Variants in PSCA observed in about 807,000 individuals in gnomAD.
PSCA encodes the protein prostate stem cell antigen.
PSCA carries 7 observed loss-of-function variants against 7.9 expected under a neutral mutation model. The observed-to-expected ratio is 0.89, with a 90% CI of 0.51 to 1.67. The LOEUF is 1.67. PSCA is among the 40% of genes most tolerant of loss of function. The pLI is 0.00. For synonymous variants in PSCA, 61 were observed against 68.3 expected (o/e 0.89, Z 0.53); for missense variants, 151 against 147.9 (o/e 1.02, Z -0.11).
chr8:142,674,100 G>A (rs1847367839), intron 1 of PSCA, among the ~76,000 whole-genome samples: 1 of 149,440 alleles, frequency 6.7e-6, no homozygotes, highest in Non-Finnish European at 1.5e-5. Flanking sequence ...ATAACGGCTG[G>A]GAATCGTTTC....
chr8:142,671,090 A>G (rs1554637332), intron 1 of PSCA, among the ~76,000 whole-genome samples: 2 of 152,254 alleles, frequency 1.3e-5, no homozygotes, highest in African/African-American at 4.8e-5. Context: ...CATGTTCAGT[A>G]CAGACACAGG....
At chr8:142,680,196 C>T (rs190462194), upstream of PSCA, 283 of 344,582 alleles carry the variant, frequency 8.2e-4, 1 homozygote, top group African/African-American at 5.3e-3. Flanking sequence ...GAGAAAGGGT[C>T]TCCCTTGTCT....
Position 142,681,338 on chromosome 8 carries a change from C to T in PSCA, c.37C>T (p.Leu13=). The T allele has an allele frequency of 6.4e-7, 1 of 1,564,208 alleles. No individual in the cohort carries two copies. The highest frequency in any genetic ancestry group is 8.7e-7 in the Non-Finnish European group (1 of 1,154,470). The change falls in exon 2 of 3, where the codon CTG becomes TTG. Residue 13 remains leucine, a synonymous_variant. Transcript: ENST00000301258. The part of the protein sequence containing the change: ...GLALQPGTAL[L]CYSCKAQVSN... ...ACTCCACCCCACAGGCACTGCCCTG[C>T]TGTGCTACTCCTGCAAAGCCCAGGT... is the stretch of plus-strand genomic sequence containing the variant.
intron 1 of PSCA, among the ~76,000 whole-genome samples, chr8:142,671,494 C>T (rs1397636861): frequency 1.3e-5 from 2 of 152,192 alleles, no homozygotes; most frequent in African/African-American, 2.4e-5. Flanking sequence ...TGGATCACCA[C>T]GTTTATGGTA....
At position 142,673,297 on chromosome 8, in the gene PSCA, T is replaced by C. The variant is rs1587542356; in HGVS notation, n.261+2729T>C. The stretch of plus-strand genomic sequence containing the variant: ...TGGTCTCCCAGGACTTGGACAGTGC[T>C]GGTGGGCAGTGGGGATTGGCATGAA... On this transcript the variant is annotated intron_variant and non_coding_transcript_variant, in intron 1 of 1. Coordinates refer to the PSCA transcript ENST00000505305. The surrounding 1 kb of genome is among the most constrained non-coding windows in gnomAD (Gnocchi z 4.6). 2.0e-5 allele frequency among the ~76,000 whole-genome samples: 3 copies of C among 152,330 alleles called. No individual in the cohort carries two copies. Among genetic ancestry groups the C allele is most frequent in the Middle Eastern group, 6.8e-3 (2 of 294 alleles).
In PSCA at chr8:142,682,165, G is replaced by C. The variant is rs782735618; in HGVS notation, c.*33G>C. The C allele has an allele frequency of 8.9e-6, 14 of 1,575,544 alleles. No individual in the cohort carries two copies. Among genetic ancestry groups the C allele is most frequent in the Non-Finnish European group, 1.2e-5 (14 of 1,166,828 alleles). On this transcript the variant is annotated 3_prime_UTR_variant, in exon 3 of 3. Coordinates refer to ENST00000301258, the MANE Select transcript of PSCA (RefSeq NM_005672.5). The stretch of plus-strand genomic sequence containing the variant: ...GGGGCCCCGCTGCAGCCCACACTGG[G>C]TGTGGTGCCCCAGGCCTCTGTGCCA...
Position 142,673,307 on chromosome 8 carries a change from T to C in PSCA, n.261+2739T>C, listed in dbSNP as rs587709837. On this transcript the variant is annotated intron_variant and non_coding_transcript_variant, in intron 1 of 1. Coordinates refer to the PSCA transcript ENST00000505305. The surrounding 1 kb of genome is among the most constrained non-coding windows in gnomAD (Gnocchi z 4.6). ...GGACTTGGACAGTGCTGGTGGGCAG[T>C]GGGGATTGGCATGAAACTGGGGCCT... Among the ~76,000 whole-genome samples, 2 of 152,240 alleles carry C rather than the reference T, an allele frequency of 1.3e-5. No homozygotes were observed. Among genetic ancestry groups the C allele is most frequent in the East Asian group, 3.9e-4 (2 of 5,174 alleles).
upstream of PSCA, chr8:142,676,240 A>T (rs1299976462): frequency 6.6e-6 from 1 of 152,350 alleles, no homozygotes; most frequent in Non-Finnish European, 1.5e-5. Context: ...GCCAAGGGTG[A>T]GTCACACTGA....
chr8:142,670,926 A>C (rs781972942), intron 1 of PSCA, among the ~76,000 whole-genome samples: 1 of 152,204 alleles, frequency 6.6e-6, no homozygotes, highest in Non-Finnish European at 1.5e-5. Flanking sequence ...CCCTTACATA[A>C]AATGGCTTCG....
At chr8:142,680,492 A>T (rs781783975), upstream of PSCA, 2 of 1,551,510 alleles carry the variant, frequency 1.3e-6, no homozygotes, top group Non-Finnish European at 1.7e-6. Flanking sequence ...GGCCCTCTCC[A>T]CCACAGCCCA....
rs782788622 is a variant in PSCA at position 142,682,027 on chromosome 8, C to T, written c.240C>T (p.Thr80=). 1.4e-5 allele frequency: 22 copies of T among 1,613,010 alleles called. No homozygotes were observed. The Admixed American group carries it at 2.2e-4, about 16-fold the overall frequency. The stretch of plus-strand genomic sequence containing the variant: ...AGAAGAACATCACGTGCTGTGACAC[C>T]GACTTGTGCAACGCCAGCGGGGCCC... ...VGKKNITCCD[T]DLCNASGAHA... The change falls in exon 3 of 3, where the codon ACC becomes ACT. Residue 80 remains threonine, a synonymous_variant. Coordinates refer to ENST00000301258, the MANE Select transcript of PSCA (RefSeq NM_005672.5).
In PSCA at chr8:142,682,386, T is replaced by A. The variant is rs782227643; in HGVS notation, c.*254T>A. On this transcript the variant is annotated 3_prime_UTR_variant, in exon 3 of 3. Coordinates refer to ENST00000301258, the MANE Select transcript of PSCA (RefSeq NM_005672.5). Reference sequence around the variant, plus strand: ...TGGCCCCTCCAACCCTCTCTGCTGCTGTTTCCATGGCCCAGCATTCTCCAC... The same window carrying A: ...TGGCCCCTCCAACCCTCTCTGCTGCAGTTTCCATGGCCCAGCATTCTCCAC... 8.6e-6 allele frequency: 6 copies of A among 695,890 alleles called. No homozygotes were observed. In the South Asian group the frequency reaches 9.0e-5, roughly 10 times the overall value. The allele number at this position is 695,890 out of a possible 1,614,324, so 43.1% of individuals were successfully genotyped here. A position where few individuals can be genotyped will look rare whatever the true frequency, so the allele number is the denominator to read the frequency against.
At position 142,673,269 on chromosome 8, in the gene PSCA, A is replaced by C. The variant is rs587623343; in HGVS notation, n.261+2701A>C. 2.9e-3 allele frequency among the ~76,000 whole-genome samples: 448 copies of C among 152,322 alleles called. 1 individual carries two copies. The highest frequency in any genetic ancestry group is 0.011 in the African/African-American group (438 of 41,574). The stretch of plus-strand genomic sequence containing the variant: ...ACTGCCACCTCAGGGACATGGGATC[A>C]CGTGGTCTCCCAGGACTTGGACAGT... On this transcript the variant is annotated intron_variant and non_coding_transcript_variant, in intron 1 of 1. Coordinates refer to the PSCA transcript ENST00000505305. The surrounding 1 kb of genome is among the most constrained non-coding windows in gnomAD (Gnocchi z 4.6).
intron 1 of PSCA, among the ~76,000 whole-genome samples, chr8:142,674,922 A>G (rs1217037909): frequency 6.6e-6 from 1 of 152,220 alleles, no homozygotes; most frequent in Non-Finnish European, 1.5e-5. Context: ...GCTGGGCCAC[A>G]AGGCCACGCC....
rs1847355573 is a variant in PSCA, at chr8:142,673,221, T to C, written n.261+2653T>C. Among the ~76,000 whole-genome samples the C allele has an allele frequency of 6.6e-6, 1 of 152,172 alleles. No individual in the cohort carries two copies. The highest frequency in any genetic ancestry group is 1.5e-5 in the Non-Finnish European group (1 of 68,020). Reference sequence around the variant, plus strand: ...TTACCCTCACTATCTGCCTAAATAATTTATTTTTAACTCCTATTTTTAACT... The same window carrying C: ...TTACCCTCACTATCTGCCTAAATAACTTATTTTTAACTCCTATTTTTAACT... On this transcript the variant is annotated intron_variant and non_coding_transcript_variant, in intron 1 of 1. Transcript: ENST00000505305. This position sits in a 1 kb window ranked among gnomAD's most constrained non-coding sequence, Gnocchi z 4.6.
upstream of PSCA, among the ~76,000 whole-genome samples, chr8:142,677,026 T>C (rs1352566534): frequency 1.3e-5 from 2 of 152,058 alleles, no homozygotes; most frequent in Non-Finnish European, 2.9e-5. Context: ...AATCAGAGGG[T>C]GACCACAGTC....
chr8:142,672,138 C>A (rs587751463), intron 1 of PSCA, among the ~76,000 whole-genome samples: 3 of 152,298 alleles, frequency 2.0e-5, no homozygotes, highest in South Asian at 2.1e-4. Flanking sequence ...ATCTGCATTG[C>A]CCCCACCTTC....
intron 1 of PSCA, among the ~76,000 whole-genome samples, chr8:142,674,357 G>A (rs1225043987): frequency 6.8e-6 from 1 of 146,254 alleles, no homozygotes; most frequent in Non-Finnish European, 1.5e-5. Flanking sequence ...AATAACGGCT[G>A]GGAATCGTTT....
upstream of PSCA, among the ~76,000 whole-genome samples, chr8:142,679,573 CATCA>C (rs1332093083): frequency 3.3e-5 from 5 of 152,220 alleles, no homozygotes; most frequent in Admixed American, 1.3e-4. Flanking sequence ...AGACATGAGA[CATCA>C]ATCAAATATA....
Sources: allele counts gnomAD v4.1 joint callset (sites outside exome capture counted in the v4.1 genomes callset), GRCh38; gene constraint gnomAD v4.1.1; non-coding constraint Gnocchi (gnomAD v3.1); transcripts MANE v1.5; gene names NCBI Gene and HGNC (gene_info 2026-07-23, HGNC 2026-07-21).